Variants in RNF182 observed in about 807,000 individuals in gnomAD.
RNF182 encodes the protein E3 ubiquitin-protein ligase RNF182.
RNF182 carries 15 observed loss-of-function variants against 14.4 expected under a neutral mutation model. That is an observed-to-expected ratio of 1.04 (90% CI 0.70 to 1.60). The LOEUF (loss-of-function observed/expected upper bound fraction) is 1.60. Among genes scored for constraint, RNF182 ranks in the 40% most tolerant of loss-of-function variants. The pLI is 0.00. For missense variants in RNF182, 268 were observed against 294.8 expected (o/e 0.91, Z 0.67); for synonymous variants, 128 against 122.9 (o/e 1.04, Z -0.27).
intron 1 of RNF182, among the ~76,000 whole-genome samples, chr6:13,936,419 T>C (rs930898464): frequency 1.3e-5 from 2 of 152,244 alleles, no homozygotes; most frequent in African/African-American, 4.8e-5. Flanking sequence ...TCTACTGAGA[T>C]TCAATTATTC....
chr6:13,971,885 G>A (rs1313782880), intron 1 of RNF182, among the ~76,000 whole-genome samples: 1 of 152,182 alleles, frequency 6.6e-6, no homozygotes, highest in Non-Finnish European at 1.5e-5. Flanking sequence ...ATGATTTAGG[G>A]TATGTGGTGA....
At chr6:13,943,259 C>A (rs1345333733) in intron 1 of RNF182, among the ~76,000 whole-genome samples, 2 of 150,846 alleles carry the variant, frequency 1.3e-5, no homozygotes, top group Non-Finnish European at 1.5e-5. Context: ...GTGTTATTAC[C>A]ATGTGCATAG....
At chr6:13,949,315 G>A (rs182381993) in intron 1 of RNF182, 166 of 774,948 alleles carry the variant, frequency 2.1e-4, no homozygotes, top group Admixed American at 4.4e-4. Context: ...GGCATCCTGC[G>A]GTAATCTTTA....
intron 1 of RNF182, among the ~76,000 whole-genome samples, chr6:13,939,347 C>T (rs555791216): frequency 1.4e-4 from 22 of 151,968 alleles, no homozygotes; most frequent in African/African-American, 5.1e-4. Flanking sequence ...CACAATATAG[C>T]TCTCCATTTA....
chr6:13,972,176 G>A (rs554301586), intron 1 of RNF182, among the ~76,000 whole-genome samples: 6 of 151,930 alleles, frequency 3.9e-5, no homozygotes, highest in East Asian at 1.9e-4. Context: ...ATGGTGGAAC[G>A]CGCCTGTAGT....
intron 1 of RNF182, among the ~76,000 whole-genome samples, chr6:13,948,532 G>A (rs896461138): frequency 6.6e-6 from 1 of 152,114 alleles, no homozygotes; most frequent in Non-Finnish European, 1.5e-5. Flanking sequence ...GTATTTGACA[G>A]TACTTCCTGT....
In RNF182 at chr6:13,926,586, CT is replaced by C. The variant is rs762616765; in HGVS notation, c.-367+1566del. Among the ~76,000 whole-genome samples, 112 of 152,312 alleles carry C rather than the reference CT, an allele frequency of 7.4e-4. 1 individual carries two copies. The highest frequency in any genetic ancestry group is 1.4e-3 in the Non-Finnish European group (92 of 68,034). On this transcript the variant is annotated intron_variant, in intron 1 of 2. Transcript: ENST00000488300. Reference sequence around the variant, plus strand: ...ATTCACAGATGCTCTGCTAAATACTCTTTCATGACGGTAATAAAATCGTACA... The same window carrying C: ...ATTCACAGATGCTCTGCTAAATACTCTTCATGACGGTAATAAAATCGTACA...
At chr6:13,967,406 ATATAGT>A (rs1461009210) in intron 1 of RNF182, among the ~76,000 whole-genome samples, 2 of 152,218 alleles carry the variant, frequency 1.3e-5, no homozygotes, top group Admixed American at 6.5e-5. Flanking sequence ...AGAAATGCAA[ATATAGT>A]TATAGTGAGA....
intron 1 of RNF182, among the ~76,000 whole-genome samples, chr6:13,970,719 T>C (rs895281317): frequency 3.3e-5 from 5 of 152,182 alleles, no homozygotes; most frequent in Admixed American, 2.6e-4. Flanking sequence ...TATTGATTTA[T>C]AGTAATGCAT....
chr6:13,974,579 A>G (rs758931921), intron 2 of RNF182, among the ~76,000 whole-genome samples: 6 of 152,228 alleles, frequency 3.9e-5, no homozygotes, highest in African/African-American at 9.6e-5. Context: ...TTAGGTTCAC[A>G]TAATTATCAG....
chr6:13,980,237 T>TTTTATTTTA lies in RNF182; in HGVS notation c.*2381_*2382insTATTTATTT, dbSNP rs1554128260. On this transcript the variant is annotated 3_prime_UTR_variant, in exon 3 of 3. Coordinates refer to ENST00000488300, the MANE Select transcript of RNF182 (RefSeq NM_152737.4). Reference sequence around the variant, plus strand: ...TTTTATTTTATTTTATTTTATTTTATTTTATTTATTTATTTTAAAGCAGGG... The same window carrying TTTTATTTTA: ...TTTTATTTTATTTTATTTTATTTTATTTTATTTTATTTATTTATTTATTTTAAAGCAGGG... The TTTTATTTTA allele has an allele frequency of 9.3e-5, 14 of 149,818 alleles. No homozygotes were observed. The highest frequency in any genetic ancestry group is 3.4e-3 in the Middle Eastern group (1 of 292). 9.3% of individuals were successfully genotyped at this position (149,818 alleles called of 1,614,324 possible).
intron 1 of RNF182, among the ~76,000 whole-genome samples, chr6:13,956,394 C>T (rs1266998502): frequency 2.0e-5 from 3 of 151,304 alleles, no homozygotes; most frequent in African/African-American, 4.9e-5. Context: ...GTGTGATCTA[C>T]GCTCACTGCA....
chr6:13,964,734 G>A (rs1218503903), intron 1 of RNF182, among the ~76,000 whole-genome samples: 1 of 152,146 alleles, frequency 6.6e-6, no homozygotes, highest in Non-Finnish European at 1.5e-5. Context: ...ACTGGATACT[G>A]TGATGAACTT....
intron 1 of RNF182, among the ~76,000 whole-genome samples, chr6:13,968,433 A>G (rs1760092074): frequency 6.6e-6 from 1 of 152,236 alleles, no homozygotes; most frequent in Admixed American, 6.5e-5. Flanking sequence ...AAGATCTACT[A>G]CTGCAAATGA....
intron 1 of RNF182, chr6:13,949,179 CA>C: frequency 1.2e-6 from 1 of 803,404 alleles, no homozygotes; most frequent in Non-Finnish European, 2.3e-6. Context: ...TTCAGCCTAC[CA>C]AAACTGTGTG....
chr6:13,964,307 A>G (rs1277513352), intron 1 of RNF182, among the ~76,000 whole-genome samples: 1 of 152,206 alleles, frequency 6.6e-6, no homozygotes, highest in Non-Finnish European at 1.5e-5. Context: ...TAAAAAGTGA[A>G]TTTCAGAAAC....
intron 1 of RNF182, among the ~76,000 whole-genome samples, chr6:13,933,944 G>C (rs1310841277): frequency 1.3e-5 from 2 of 152,102 alleles, no homozygotes; most frequent in Non-Finnish European, 2.9e-5. Context: ...CTTGAACCTG[G>C]GAGGCAGTGG....
chr6:13,967,850 A>G (rs908966137), intron 1 of RNF182, among the ~76,000 whole-genome samples: 2 of 152,186 alleles, frequency 1.3e-5, no homozygotes, highest in Non-Finnish European at 2.9e-5. Flanking sequence ...GTGAGCCACC[A>G]TGCCTGGCCC....
At chr6:13,971,487 A>T (rs796428681) in intron 1 of RNF182, among the ~76,000 whole-genome samples, 3 of 152,314 alleles carry the variant, frequency 2.0e-5, no homozygotes, top group Admixed American at 6.5e-5. Flanking sequence ...AATACAGTAA[A>T]TTAGTACCAG....
Sources: gnomAD v4.1 joint callset for allele counts (sites outside exome capture counted in the v4.1 genomes callset) on GRCh38, gnomAD v4.1.1 for gene constraint, MANE v1.5 for transcripts, NCBI Gene and HGNC (gene_info 2026-07-23, HGNC 2026-07-21) for gene names.